SYT9: variants seen among roughly 807,000 people sequenced by gnomAD.
SYT9 encodes the protein synaptotagmin-9.
In SYT9, 22 loss-of-function variants were observed where a neutral mutation model predicts 48.4. That is an observed-to-expected ratio of 0.45 (90% confidence interval 0.32 to 0.65). The LOEUF is 0.65. SYT9 is among the 30% of genes least tolerant of loss of function. The probability of loss-of-function intolerance (pLI) is 0.03; values close to 1 mark genes in which losing one functional copy is unlikely to be tolerated. For synonymous variants in SYT9, 265 were observed against 245.0 expected, an observed-to-expected ratio of 1.08 and a Z score of -0.76; for missense variants, 577 against 622.0, an observed-to-expected ratio of 0.93 and a Z score of 0.77.
At chr11:7,428,382 G>A (rs1480020502) in intron 6 of SYT9, among the ~76,000 whole-genome samples, 1 of 152,176 alleles carries the variant, frequency 6.6e-6, no homozygotes, top group Non-Finnish European at 1.5e-5. Flanking sequence ...TCCATCTCCA[G>A]GGATGGCATT....
chr11:7,330,425 G>A (rs1849506759), intron 3 of SYT9, among the ~76,000 whole-genome samples: 1 of 151,996 alleles, frequency 6.6e-6, no homozygotes, highest in Non-Finnish European at 1.5e-5. Context: ...GCAATATGAG[G>A]GAATTGAGGG....
chr11:7,300,351 G>A (rs1464193762), intron 1 of SYT9, among the ~76,000 whole-genome samples: 1 of 152,216 alleles, frequency 6.6e-6, no homozygotes, highest in African/African-American at 2.4e-5. Context: ...CATGCAGAAT[G>A]TGGGAGCACA....
chr11:7,347,721 AGG>A (rs1178600908), intron 3 of SYT9, among the ~76,000 whole-genome samples: 1 of 152,110 alleles, frequency 6.6e-6, no homozygotes, highest in Non-Finnish European at 1.5e-5. Context: ...CAGCTTTTTG[AGG>A]GAGTGGGAAG....
intron 6 of SYT9, chr11:7,450,553 G>A (rs1848028414): frequency 6.6e-6 from 1 of 152,168 alleles, no homozygotes; most frequent in African/African-American, 2.4e-5. Flanking sequence ...ACTAAGATTT[G>A]GAGTTGTTAT....
At chr11:7,413,061 G>GT (rs1325569724) in intron 3 of SYT9, among the ~76,000 whole-genome samples, 1 of 152,206 alleles carries the variant, frequency 6.6e-6, no homozygotes, top group Non-Finnish European at 1.5e-5. Context: ...GAACAAGGTG[G>GT]TCCCCAGGCA....
At chr11:7,250,328 C>T (rs1423224933), upstream of SYT9, among the ~76,000 whole-genome samples, 3 of 152,178 alleles carry the variant, frequency 2.0e-5, no homozygotes, top group Non-Finnish European at 2.9e-5. Context: ...CCTGGTTTAT[C>T]AAAGTCATTT....
chr11:7,401,607 G>T (rs1846894670), intron 3 of SYT9, among the ~76,000 whole-genome samples: 1 of 151,420 alleles, frequency 6.6e-6, no homozygotes, highest in Non-Finnish European at 1.5e-5. Flanking sequence ...CTTTAGTGTG[G>T]TGTGATTGTT....
At position 7,468,067 on chromosome 11, in the gene SYT9, C is replaced by G. The variant is rs1848362773; in HGVS notation, c.*1267C>G. ...CTGGGGGCTGTTACCTAATGGTCCT[C>G]TCTGTCCCATTATAGGTGCAAGGCA... On this transcript the variant is annotated 3_prime_UTR_variant, in exon 7 of 7. Coordinates refer to ENST00000318881, the MANE Select transcript of SYT9 (RefSeq NM_175733.4). 1 of 388,264 alleles carries G rather than the reference C, an allele frequency of 2.6e-6. No individual in the cohort carries two copies. The highest frequency in any genetic ancestry group is 3.7e-5 in the East Asian group (1 of 27,220). 24.1% of individuals were successfully genotyped at this position (388,264 alleles called of 1,614,324 possible).
At chr11:7,329,990 T>A (rs188377148) in intron 3 of SYT9, among the ~76,000 whole-genome samples, 3 of 152,146 alleles carry the variant, frequency 2.0e-5, no homozygotes, top group African/African-American at 4.8e-5. Flanking sequence ...TCTATAAAAA[T>A]CTATCCTTGT....
chr11:7,257,083 A>G (rs939092780), intron 1 of SYT9, among the ~76,000 whole-genome samples: 12 of 152,180 alleles, frequency 7.9e-5, no homozygotes, highest in Non-Finnish European at 1.3e-4. Flanking sequence ...TGGGCCTGGT[A>G]TCAGTATTTT....
intron 3 of SYT9, among the ~76,000 whole-genome samples, chr11:7,407,847 A>G (rs573028874): frequency 2.0e-5 from 3 of 152,266 alleles, no homozygotes; most frequent in African/African-American, 7.2e-5. Flanking sequence ...AAATACATGG[A>G]TTCATTTCTG....
chr11:7,351,053 C>T (rs958671647), intron 3 of SYT9, among the ~76,000 whole-genome samples: 6 of 152,052 alleles, frequency 3.9e-5, no homozygotes, highest in African/African-American at 7.2e-5. Flanking sequence ...AAGATCAAAG[C>T]GGCCAGCTAA....
chr11:7,393,397 A>G (rs1243273431), intron 3 of SYT9, among the ~76,000 whole-genome samples: 1 of 151,574 alleles, frequency 6.6e-6, no homozygotes, highest in East Asian at 1.9e-4. Context: ...TTATATGGCC[A>G]ATCACATTTA....
intron 3 of SYT9, among the ~76,000 whole-genome samples, chr11:7,323,374 T>C (rs1849371081): frequency 6.6e-6 from 1 of 152,162 alleles, no homozygotes; most frequent in Non-Finnish European, 1.5e-5. Flanking sequence ...TTGAGTTTTG[T>C]ACATTCACAA....
intron 3 of SYT9, among the ~76,000 whole-genome samples, chr11:7,362,941 T>A (rs1850171668): frequency 6.8e-6 from 1 of 147,778 alleles, no homozygotes; most frequent in South Asian, 2.1e-4. Context: ...TTCTTGCCAT[T>A]TATTGGCCTT....
intron 6 of SYT9, chr11:7,440,578 G>A (rs1342620966): frequency 1.3e-5 from 2 of 152,220 alleles, no homozygotes; most frequent in Non-Finnish European, 2.9e-5. Flanking sequence ...TCCACCAGAA[G>A]TGAACATGGT....
chr11:7,433,915 C>A (rs939590769), intron 6 of SYT9, among the ~76,000 whole-genome samples: 1 of 152,126 alleles, frequency 6.6e-6, no homozygotes, highest in Non-Finnish European at 1.5e-5. Flanking sequence ...GTCAGAATCA[C>A]ATCAAAAAAT....
chr11:7,417,174 T>C (rs894150685), intron 4 of SYT9, among the ~76,000 whole-genome samples: 8 of 151,990 alleles, frequency 5.3e-5, no homozygotes, highest in African/African-American at 1.9e-4. Flanking sequence ...TTTTGTTTTT[T>C]TAAGCAGAAA....
chr11:7,373,569 T>A (rs1187243002), intron 3 of SYT9, among the ~76,000 whole-genome samples: 1 of 152,150 alleles, frequency 6.6e-6, no homozygotes, highest in Non-Finnish European at 1.5e-5. Flanking sequence ...TTGTATTTTA[T>A]TTTGGAATAA....
Sources: gnomAD v4.1 joint callset for allele counts (sites outside exome capture counted in the v4.1 genomes callset) on GRCh38, gnomAD v4.1.1 for gene constraint, MANE v1.5 for transcripts, NCBI Gene and HGNC (gene_info 2026-07-23, HGNC 2026-07-21) for gene names.